PHF6: variants seen among roughly 807,000 people sequenced by gnomAD.
PHF6 encodes the protein PHD-like zinc finger protein.
PHF6 carries 7 observed loss-of-function variants against 34.0 expected under a neutral mutation model. The observed-to-expected ratio is 0.21, with a 90% CI of 0.12 to 0.39. The LOEUF is 0.39. PHF6 is among the 10% of genes least tolerant of loss of function. The pLI, the probability that PHF6 is intolerant of heterozygous loss-of-function variation, is 1.00. For synonymous variants in PHF6, 89 were observed against 88.4 expected, an observed-to-expected ratio of 1.01 and a Z score of -0.04; for missense variants, 128 against 262.8, an observed-to-expected ratio of 0.49 and a Z score of 3.55.
At chrX:134,399,591 T>G (rs750393781) in intron 5 of PHF6, among the ~76,000 whole-genome samples, 2 of 109,844 alleles carry the variant, frequency 1.8e-5, no homozygotes, top group Non-Finnish European at 3.8e-5. Flanking sequence ...TTTAGGTTTA[T>G]AGCAAAATTG....
chrX:134,381,423 G>A (rs1038980792), intron 3 of PHF6, among the ~76,000 whole-genome samples: 3 of 110,282 alleles, frequency 2.7e-5, no homozygotes, highest in Admixed American at 1.9e-4. Flanking sequence ...TAGGAGGGGG[G>A]AAAAAGAGTG....
chrX:134,422,207 C>G (rs746750269), intron 9 of PHF6, among the ~76,000 whole-genome samples: 7 of 111,828 alleles, frequency 6.3e-5, no homozygotes, highest in Non-Finnish European at 1.1e-4. Flanking sequence ...ACAGCATGAG[C>G]CATTGTGCCC....
Position 134,379,432 on chromosome X carries a change from C to CT in PHF6, c.240+1353dup, listed in dbSNP as rs34099570. On this transcript the variant is annotated intron_variant, in intron 3 of 10. Transcript: ENST00000370803. ...TTTCCTTTTTCTTTTCTTTTCTTTT[C>CT]TTTTTTTTTTTTTTTTTTTTTTTTT... Among the ~76,000 whole-genome samples the CT allele has an allele frequency of 4.4e-3, 116 of 26,273 alleles. 4 individuals carry two copies. The highest frequency in any genetic ancestry group is 4.8e-3 in the Non-Finnish European group (84 of 17,433). 22.8% of individuals were successfully genotyped at this position (26,273 alleles called of 115,157 possible).
Position 134,410,915 on chromosome X carries a change from C to T in PHF6, c.419-2576C>T, listed in dbSNP as rs375005575. 6.6e-5 allele frequency among the ~76,000 whole-genome samples: 7 copies of T among 106,539 alleles called. No individual in the cohort carries two copies. In the East Asian group the frequency reaches 8.8e-4, roughly 13 times the overall value. The allele number at this position is 106,539 out of a possible 115,157, so 92.5% of individuals were successfully genotyped here. On this transcript the variant is annotated intron_variant, in intron 5 of 10. Coordinates refer to ENST00000370803, the MANE Select transcript of PHF6 (RefSeq NM_001015877.2). ...ATCCAACTGCCTCAGCCACTGCGCC[C>T]GGCCTTTTTCCAGTTTATTGTTTGC...
At chrX:134,395,687 G>A (rs989471890) in intron 5 of PHF6, among the ~76,000 whole-genome samples, 3 of 111,749 alleles carry the variant, frequency 2.7e-5, no homozygotes, top group East Asian at 2.8e-4. Context: ...ATTGGTATTC[G>A]CATGTTAAAA....
At chrX:134,422,030 G>A (rs754974827) in intron 9 of PHF6, among the ~76,000 whole-genome samples, 8 of 110,688 alleles carry the variant, frequency 7.2e-5, no homozygotes, top group Non-Finnish European at 1.3e-4. Context: ...CCAGGCTCAT[G>A]TGATCCTCTC....
At position 134,387,477 on chromosome X, in the gene PHF6, T is replaced by C. The variant is rs977500269; in HGVS notation, c.241-6024T>C. On this transcript the variant is annotated intron_variant, in intron 3 of 10. Transcript: ENST00000370803. ...TGAGGTGTTCTTCACAGACTAAATA[T>C]AGCAAGCGGCATAGCAGTTTAGAGT... Among the ~76,000 whole-genome samples the C allele has an allele frequency of 1.3e-4, 14 of 111,210 alleles. No individual in the cohort carries two copies. In the South Asian group the frequency reaches 5.3e-3, roughly 42 times the overall value.
Position 134,377,592 on chromosome X carries a change from G to T in PHF6, c.-26G>T, listed in dbSNP as rs1189803471. On this transcript the variant is annotated 5_prime_UTR_variant, in exon 2 of 11. Transcript: ENST00000370803. Reference sequence around the variant, plus strand: ...TGTAGCATTTCTTGAGACTTAAAGTGGCATTCTAAAGGCAATTTAAAAATC... The same window carrying T: ...TGTAGCATTTCTTGAGACTTAAAGTTGCATTCTAAAGGCAATTTAAAAATC... The T allele has an allele frequency of 8.4e-7, 1 of 1,196,877 alleles. No individual in the cohort carries two copies. The highest frequency in any genetic ancestry group is 1.8e-5 in the African/African-American group (1 of 56,718).
At chrX:134,386,518 C>T (rs1472551089) in intron 3 of PHF6, among the ~76,000 whole-genome samples, 3 of 109,416 alleles carry the variant, frequency 2.7e-5, no homozygotes, top group African/African-American at 1.0e-4. Flanking sequence ...TCAAGCGATT[C>T]TCCTGCCTCA....
intron 5 of PHF6, among the ~76,000 whole-genome samples, chrX:134,401,270 TTCC>T (rs1266608003): frequency 9.0e-6 from 1 of 111,481 alleles, no homozygotes; most frequent in Non-Finnish European, 1.9e-5. Context: ...ATGCTCCATC[TTCC>T]TCCTCCTAAG....
intron 1 of PHF6, among the ~76,000 whole-genome samples, chrX:134,373,951 G>A (rs1602687188): frequency 9.2e-6 from 1 of 109,210 alleles, no homozygotes; most frequent in East Asian, 2.9e-4. Flanking sequence ...CTTGGGGGAG[G>A]GGGCATAAAG....
intron 5 of PHF6, 99 bp downstream of exon 5, chrX:134,394,051 TATCTC>T: frequency 1.3e-6 from 1 of 753,390 alleles, no homozygotes; most frequent in East Asian, 3.3e-5. Context: ...CCATAAGACA[TATCTC>T]AACATTCAGT....
At chrX:134,373,583 T>A (rs942639594) in intron 1 of PHF6, 116 bp downstream of exon 1, 2 of 110,895 alleles carry the variant, frequency 1.8e-5, no homozygotes, top group Admixed American at 1.9e-4. Flanking sequence ...CTCTTGGTGG[T>A]CTCGCTTTAT....
At chrX:134,374,583 A>G (rs1369470662) in intron 1 of PHF6, among the ~76,000 whole-genome samples, 2 of 111,903 alleles carry the variant, frequency 1.8e-5, no homozygotes, top group Non-Finnish European at 3.8e-5. Context: ...AATCTTCCGG[A>G]ACTGCAGTTT....
intron 3 of PHF6, among the ~76,000 whole-genome samples, chrX:134,387,190 T>C (rs2077335752): frequency 8.9e-6 from 1 of 112,021 alleles, no homozygotes; most frequent in Non-Finnish European, 1.9e-5. Context: ...GGAGAATGAA[T>C]GTAAGGTCAA....
chrX:134,424,485 G>C (rs2077501501), intron 9 of PHF6, among the ~76,000 whole-genome samples: 1 of 112,021 alleles, frequency 8.9e-6, no homozygotes, highest in South Asian at 3.7e-4. Context: ...CAAGCCTTTA[G>C]ACCTTATTCC....
At chrX:134,378,181 T>A in intron 3 of PHF6, 75 bp downstream of exon 3, 2 of 648,046 alleles carry the variant, frequency 3.1e-6, no homozygotes, top group South Asian at 5.3e-5. Context: ...TATTTTAGAG[T>A]GTATTGCATT....
At chrX:134,392,241 A>C (rs189932111) in intron 3 of PHF6, among the ~76,000 whole-genome samples, 42 of 112,282 alleles carry the variant, frequency 3.7e-4, no homozygotes, top group African/African-American at 1.3e-3. Context: ...TTTATGTTCA[A>C]ATTAATAAAA....
chrX:134,388,576 CAT>C (rs1440049184), intron 3 of PHF6, among the ~76,000 whole-genome samples: 1 of 111,349 alleles, frequency 9.0e-6, no homozygotes, highest in African/African-American at 3.3e-5. Context: ...TACTGACAGA[CAT>C]ATTAGATATA....
Sources: gnomAD v4.1 joint callset for allele counts (sites outside exome capture counted in the v4.1 genomes callset) on GRCh38, gnomAD v4.1.1 for gene constraint, MANE v1.5 for transcripts, NCBI Gene and HGNC (gene_info 2026-07-23, HGNC 2026-07-21) for gene names.